NKAIN3: variants seen among roughly 807,000 people sequenced by gnomAD.
NKAIN3 encodes sodium/potassium transporting ATPase interacting 3.
In NKAIN3, 25 loss-of-function variants were observed where a neutral mutation model predicts 30.2. The observed-to-expected ratio is 0.83, with a 90% CI of 0.60 to 1.16. The LOEUF is 1.16. NKAIN3 is among the 50% of genes most tolerant of loss of function. The pLI, the probability that NKAIN3 is intolerant of heterozygous loss-of-function variation, is 0.00. For missense variants in NKAIN3, 225 were observed against 254.1 expected, an observed-to-expected ratio of 0.89 and a Z score of 0.78; for synonymous variants, 91 against 89.6, an observed-to-expected ratio of 1.02 and a Z score of -0.09.
At chr8:62,622,974 T>A (rs1811665841) in intron 3 of NKAIN3, among the ~76,000 whole-genome samples, 1 of 151,966 alleles carries the variant, frequency 6.6e-6, no homozygotes, top group Admixed American at 6.6e-5. Context: ...TAAGATAAAA[T>A]TAATATGTTC....
chr8:62,936,626 TA>T (rs1301757415), intron 5 of NKAIN3, among the ~76,000 whole-genome samples: 1 of 152,212 alleles, frequency 6.6e-6, no homozygotes, highest in Non-Finnish European at 1.5e-5. Flanking sequence ...CCATGGAATC[TA>T]AATGCTATAG....
intron 3 of NKAIN3, among the ~76,000 whole-genome samples, chr8:62,741,356 AGAG>A (rs1815865429): frequency 7.2e-6 from 1 of 139,444 alleles, no homozygotes; most frequent in Non-Finnish European, 1.6e-5. Flanking sequence ...GAAGAAAGAG[AGAG>A]AAAGAAGGAA....
intron 1 of NKAIN3, among the ~76,000 whole-genome samples, chr8:62,564,255 C>T (rs1432640583): frequency 6.6e-6 from 1 of 152,088 alleles, no homozygotes; most frequent in African/African-American, 2.4e-5. Flanking sequence ...CTCTAAATCC[C>T]TTTGGCCACA....
intron 1 of NKAIN3, among the ~76,000 whole-genome samples, chr8:62,337,170 A>G (rs758534418): frequency 6.6e-6 from 1 of 152,056 alleles, no homozygotes; most frequent in Non-Finnish European, 1.5e-5. Flanking sequence ...TGCCAGCCTC[A>G]TGAGGTGTAG....
At chr8:62,609,065 G>A (rs751383363) in intron 3 of NKAIN3, among the ~76,000 whole-genome samples, 3 of 152,034 alleles carry the variant, frequency 2.0e-5, no homozygotes, top group African/African-American at 4.8e-5. Context: ...ACTGTGATAG[G>A]TTTACACCTG....
At chr8:62,794,406 T>C (rs1318370000) in intron 4 of NKAIN3, among the ~76,000 whole-genome samples, 1 of 152,084 alleles carries the variant, frequency 6.6e-6, no homozygotes, top group Non-Finnish European at 1.5e-5. Context: ...ATAGATAAAA[T>C]GTCATCAGGC....
At chr8:62,669,046 C>G (rs1411549157) in intron 3 of NKAIN3, among the ~76,000 whole-genome samples, 1 of 152,148 alleles carries the variant, frequency 6.6e-6, no homozygotes, top group Non-Finnish European at 1.5e-5. Flanking sequence ...CAAGATGTCC[C>G]TGGTCATCTA....
chr8:62,508,307 C>T (rs554888297), intron 1 of NKAIN3, among the ~76,000 whole-genome samples: 47 of 152,272 alleles, frequency 3.1e-4, no homozygotes, highest in African/African-American at 1.0e-3. Flanking sequence ...TTAGTTATGG[C>T]AGGTTCTCCA....
intron 1 of NKAIN3, among the ~76,000 whole-genome samples, chr8:62,506,353 C>T (rs1807638340): frequency 6.6e-6 from 1 of 152,068 alleles, no homozygotes; most frequent in African/African-American, 2.4e-5. Context: ...CTACACCCCT[C>T]CCGTAAAACA....
intron 3 of NKAIN3, among the ~76,000 whole-genome samples, chr8:62,665,261 T>C (rs983437229): frequency 1.3e-5 from 2 of 152,218 alleles, no homozygotes; most frequent in African/African-American, 4.8e-5. Flanking sequence ...TAAGAGACTC[T>C]TGGTCAAATT....
chr8:62,371,921 A>G (rs1816919559), intron 1 of NKAIN3, among the ~76,000 whole-genome samples: 1 of 151,958 alleles, frequency 6.6e-6, no homozygotes, highest in Non-Finnish European at 1.5e-5. Flanking sequence ...TATTTCTGAC[A>G]GAGAAGTCTC....
intron 1 of NKAIN3, among the ~76,000 whole-genome samples, chr8:62,332,783 TCAAGAAGC>T (rs1344147446): frequency 6.6e-6 from 1 of 152,106 alleles, no homozygotes; most frequent in Non-Finnish European, 1.5e-5. Flanking sequence ...AGCACTTCCG[TCAAGAAGC>T]CAAGATAGGC....
chr8:62,426,423 A>T (rs1256713197), intron 1 of NKAIN3, among the ~76,000 whole-genome samples: 1 of 152,030 alleles, frequency 6.6e-6, no homozygotes, highest in Non-Finnish European at 1.5e-5. Flanking sequence ...CAAAGGCCAA[A>T]CAGCATCATC....
intron 1 of NKAIN3, among the ~76,000 whole-genome samples, chr8:62,339,589 A>G (rs16928706): frequency 0.039 from 5,969 of 152,142 alleles, 421 homozygotes; most frequent in African/African-American, 0.14. Flanking sequence ...CAAGGGTTCT[A>G]TTTAGTTTTG....
At chr8:62,461,627 T>A (rs1038015941) in intron 1 of NKAIN3, among the ~76,000 whole-genome samples, 2 of 152,160 alleles carry the variant, frequency 1.3e-5, no homozygotes, top group Non-Finnish European at 2.9e-5. Flanking sequence ...TATCAAGAGA[T>A]GGAAATTATT....
intron 3 of NKAIN3, among the ~76,000 whole-genome samples, chr8:62,652,249 CAATTTTTATGG>C (rs1812644495): frequency 6.6e-6 from 1 of 152,112 alleles, no homozygotes; most frequent in Non-Finnish European, 1.5e-5. Context: ...TATTACTTGG[CAATTTTTATGG>C]CAGATCCACA....
chr8:62,877,820 C>A (rs1233107134), intron 4 of NKAIN3, among the ~76,000 whole-genome samples: 1 of 152,078 alleles, frequency 6.6e-6, no homozygotes, highest in African/African-American at 2.4e-5. Flanking sequence ...GCGGGCAGAT[C>A]ACCTGAGGTT....
chr8:62,927,188 CCACT>C (rs199959157), intron 5 of NKAIN3, among the ~76,000 whole-genome samples: 2,741 of 152,194 alleles, frequency 0.018, 41 homozygotes, highest in South Asian at 0.026. Context: ...CACCCCCCTC[CCACT>C]CACTCTCATG....
At chr8:62,334,176 T>G (rs753539729) in intron 1 of NKAIN3, among the ~76,000 whole-genome samples, 12 of 152,134 alleles carry the variant, frequency 7.9e-5, no homozygotes, top group Non-Finnish European at 1.5e-4. Context: ...GAGACTTTAT[T>G]AGTTACTCAT....
Sources: gnomAD v4.1 joint callset for allele counts (sites outside exome capture counted in the v4.1 genomes callset) on GRCh38, gnomAD v4.1.1 for gene constraint, MANE v1.5 for transcripts, NCBI Gene and HGNC (gene_info 2026-07-23, HGNC 2026-07-21) for gene names.